YBX3: variants seen among roughly 807,000 people sequenced by gnomAD.
YBX3 encodes Y-box binding protein 3.
Under a neutral mutation model 42.4 loss-of-function variants are expected in YBX3, and 29 were observed. The ratio of observed to expected loss-of-function variants is 0.68; its 90% CI spans 0.51 to 0.93. The LOEUF (loss-of-function observed/expected upper bound fraction) is 0.93. Among genes scored for constraint, YBX3 ranks in the 40% least tolerant of loss-of-function variants. YBX3 has a pLI of 0.00. For synonymous variants in YBX3, 195 were observed against 189.8 expected, an observed-to-expected ratio of 1.03 and a Z score of -0.22; for missense variants, 517 against 527.5, an observed-to-expected ratio of 0.98 and a Z score of 0.19.
At chr12:10,705,435 T>C (rs953510876) in intron 6 of YBX3, among the ~76,000 whole-genome samples, 1 of 152,174 alleles carries the variant, frequency 6.6e-6, no homozygotes, top group African/African-American at 2.4e-5. Flanking sequence ...ACCAGTTATT[T>C]TGTAAAATAT....
At chr12:10,716,491 T>G (rs992213039) in intron 3 of YBX3, among the ~76,000 whole-genome samples, 15 of 152,026 alleles carry the variant, frequency 9.9e-5, no homozygotes, top group African/African-American at 3.4e-4. Context: ...TTAGTGAAGA[T>G]GCTATTCTTC....
intron 6 of YBX3, among the ~76,000 whole-genome samples, chr12:10,706,877 C>T (rs1272575065): frequency 2.0e-5 from 3 of 151,934 alleles, no homozygotes; most frequent in African/African-American, 2.4e-5. Context: ...ATTAGCCAGG[C>T]GTGGTGGCGG....
Position 10,709,934 on chromosome 12 carries a change from C to A in YBX3, c.754G>T (p.Val252Phe), listed in dbSNP as rs1948179642. 1 of 1,613,986 alleles carries A rather than the reference C, an allele frequency of 6.2e-7. No individual in the cohort carries two copies. Among genetic ancestry groups the A allele is most frequent in the Admixed American group, 1.7e-5 (1 of 60,014 alleles). Residue 252 changes from valine to phenylalanine, a missense_variant, in exon 6 of 10, where the codon GTC (valine) becomes TTC (phenylalanine). This residue lies in a region of YBX3 where 420 missense variants were observed against 408.5 expected (regional missense o/e 1.03). Transcript: ENST00000228251. ...TGTATTCTGTTGGGATGGGGTAAGA[C>A]CCGTGAGCGACGGTCAAAGGTCTGT... The part of the protein sequence containing the change: ...VGQTFDRRSR[V>F]LPHPNRIQAG...
intron 8 of YBX3, among the ~76,000 whole-genome samples, chr12:10,701,564 AAAAAC>A (rs1272926660): frequency 1.3e-5 from 2 of 151,940 alleles, no homozygotes; most frequent in African/African-American, 4.8e-5. Context: ...CACAAAAACA[AAAAAC>A]AAAACAAAAC....
intron 3 of YBX3, among the ~76,000 whole-genome samples, chr12:10,716,909 G>C (rs1057145931): frequency 1.3e-5 from 2 of 152,076 alleles, no homozygotes; most frequent in Non-Finnish European, 2.9e-5. Flanking sequence ...ACAACCTCAC[G>C]GGGGCTGGAA....
At chr12:10,703,924 G>A (rs147091212) in intron 7 of YBX3, 127 bp downstream of exon 7, 16 of 832,452 alleles carry the variant, frequency 1.9e-5, no homozygotes, top group Middle Eastern at 4.6e-4. Context: ...GAAAACTCTG[G>A]CATGTAGTCA....
intron 6 of YBX3, among the ~76,000 whole-genome samples, chr12:10,706,998 CAG>C (rs1055506322): frequency 1.1e-4 from 17 of 151,544 alleles, no homozygotes; most frequent in African/African-American, 4.1e-4. Context: ...GCCTGGGTGA[CAG>C]AGTGAGACTC....
At chr12:10,710,341 G>T in intron 5 of YBX3, 1 of 1,424,640 alleles carries the variant, frequency 7.0e-7, no homozygotes, top group East Asian at 2.6e-5. Flanking sequence ...AAGCAGAAAA[G>T]CAAGAGCAAT....
rs754457939 is a variant in YBX3, at chr12:10,715,712, A to G, written c.432T>C (p.Asp144=). Residue 144 remains aspartate (D), a synonymous_variant, in exon 4 of 10, where the codon GAT becomes GAC. Transcript: ENST00000228251. ...SVGDGETVEF[D]VVEGEKGAEA... ...CTCTCACCTTCTCTCCTTCAACCAC[A>G]TCAAACTCTACAGTTTCTCCATCTC... 14 of 1,613,974 alleles carry G rather than the reference A, an allele frequency of 8.7e-6. No individual in the cohort carries two copies. The highest frequency in any genetic ancestry group is 7.7e-5 in the South Asian group (7 of 91,088).
intron 5 of YBX3, chr12:10,710,892 T>G (rs1948192886): frequency 6.2e-6 from 1 of 161,934 alleles, no homozygotes; most frequent in Admixed American, 6.4e-5. Flanking sequence ...CAATTAACAT[T>G]TTAAGTTTAT....
chr12:10,699,881 C>A (rs1948060279), intron 9 of YBX3, among the ~76,000 whole-genome samples: 1 of 151,894 alleles, frequency 6.6e-6, no homozygotes, highest in Admixed American at 6.6e-5. Flanking sequence ...TACATAAGAG[C>A]AAAAATTTTA....
chr12:10,708,213 T>C (rs1948159060), intron 6 of YBX3, among the ~76,000 whole-genome samples: 1 of 152,234 alleles, frequency 6.6e-6, no homozygotes. Flanking sequence ...TTTTCAAATC[T>C]ATAGAACTAT....
intron 8 of YBX3, among the ~76,000 whole-genome samples, chr12:10,701,637 C>T (rs1197273760): frequency 6.6e-6 from 1 of 152,146 alleles, no homozygotes; most frequent in African/African-American, 2.4e-5. Context: ...CACTACTCTC[C>T]ATAAAGTCTG....
rs751713014 is a variant in YBX3 at position 10,715,744 on chromosome 12, T to C, written c.400A>G (p.Ser134Gly). The change falls in exon 4 of 10, where the codon AGT (serine) becomes GGT (glycine). Residue 134 changes from serine (S) to glycine (G), a missense_variant. This residue lies in a region of YBX3 where 420 missense variants were observed against 408.5 expected (regional missense o/e 1.03). Transcript: ENST00000228251. Reference sequence around the variant, plus strand: ...TCTACAGTTTCTCCATCTCCTACACTGCGCAGATATTTCCGTGGGTTATTC... The same window carrying C: ...TCTACAGTTTCTCCATCTCCTACACCGCGCAGATATTTCCGTGGGTTATTC... ...KKNNPRKYLRSVGDGETVEFD... is the reference protein window; with the variant it reads ...KKNNPRKYLRGVGDGETVEFD... The C allele has an allele frequency of 2.0e-5, 33 of 1,614,078 alleles. No homozygotes were observed. The highest frequency in any genetic ancestry group is 2.8e-5 in the Non-Finnish European group (33 of 1,179,990).
intron 7 of YBX3, chr12:10,702,851 T>C (rs1332043337): frequency 2.0e-5 from 3 of 152,230 alleles, no homozygotes; most frequent in Non-Finnish European, 4.4e-5. Flanking sequence ...TGCTAGTCGG[T>C]TTTAAAATTA....
intron 1 of YBX3, chr12:10,720,740 G>A (rs1471298371): frequency 6.6e-6 from 1 of 152,114 alleles, no homozygotes; most frequent in East Asian, 1.9e-4. Flanking sequence ...TGATTAAAAT[G>A]ACAATACTAA....
At chr12:10,704,008 A>G in intron 7 of YBX3, 43 bp downstream of exon 7, 1 of 1,573,030 alleles carries the variant, frequency 6.4e-7, no homozygotes, top group South Asian at 1.1e-5. Context: ...ACCATTGTGC[A>G]CACAAGTCCT....
chr12:10,711,331 T>A (rs1026158475), intron 5 of YBX3: 4 of 151,872 alleles, frequency 2.6e-5, no homozygotes, highest in African/African-American at 9.7e-5. Flanking sequence ...GACCCATTAC[T>A]TTTTTTTACA....
intron 1 of YBX3, 69 bp from the exon 2 acceptor site, chr12:10,719,212 C>A: frequency 1.5e-6 from 2 of 1,323,556 alleles, no homozygotes; most frequent in Non-Finnish European, 2.1e-6. Context: ...TCACTAAGAT[C>A]TTGATAACAT....
Sources: gnomAD v4.1 joint callset for allele counts (sites outside exome capture counted in the v4.1 genomes callset) on GRCh38, gnomAD v4.1.1 for gene constraint, gnomAD v4.1.1 regional missense constraint, MANE v1.5 for transcripts, NCBI Gene and HGNC (gene_info 2026-07-23, HGNC 2026-07-21) for gene names.